The following AHR variants were observed in gnomAD, a reference collection of about 807,000 sequenced individuals.
AHR encodes aryl hydrocarbon receptor, also known as AH-receptor.
In AHR, 40 loss-of-function variants were observed where a neutral mutation model predicts 86.8. That is an observed-to-expected ratio of 0.46 (90% CI 0.36 to 0.60). AHR has a LOEUF of 0.60. Ranked by LOEUF, AHR falls within the 20% of genes least tolerant of loss-of-function variation. The probability of loss-of-function intolerance (pLI) is 0.00; values close to 1 mark genes in which losing one functional copy is unlikely to be tolerated. For missense variants in AHR, 1,001 were observed against 1,011.6 expected, an observed-to-expected ratio of 0.99 and a Z score of 0.14; for synonymous variants, 398 against 354.9, an observed-to-expected ratio of 1.12 and a Z score of -1.37.
rs1364462820 is a variant in AHR at position 17,344,235 on chromosome 7, C to G, written c.*1171C>G. The G allele has an allele frequency of 6.6e-6, 1 of 152,602 alleles. No homozygotes were observed. The highest frequency in any genetic ancestry group is 2.1e-4 in the South Asian group (1 of 4,810). 9.5% of individuals were successfully genotyped at this position (152,602 alleles called of 1,614,324 possible). A position where few individuals can be genotyped will look rare whatever the true frequency, so the allele number is the denominator to read the frequency against. On this transcript the variant is annotated 3_prime_UTR_variant, in exon 11 of 11. Coordinates refer to ENST00000242057, the MANE Select transcript of AHR (RefSeq NM_001621.5). Reference sequence around the variant, plus strand: ...AGAACAGTGGAAACTATGTGTTTTTCTCATATTTGAGGAGTGTTAAGATTG... The same window carrying G: ...AGAACAGTGGAAACTATGTGTTTTTGTCATATTTGAGGAGTGTTAAGATTG...
At chr7:17,323,179 G>A (rs1782192334) in intron 3 of AHR, among the ~76,000 whole-genome samples, 1 of 152,060 alleles carries the variant, frequency 6.6e-6, no homozygotes, top group South Asian at 2.1e-4. Flanking sequence ...CAAACAGCAA[G>A]AACTCCTAGA....
intron 5 of AHR, among the ~76,000 whole-genome samples, chr7:17,330,376 G>A (rs1293714162): frequency 6.6e-6 from 1 of 151,888 alleles, no homozygotes; most frequent in African/African-American, 2.4e-5. Flanking sequence ...GTTGATACCT[G>A]AGTGCATGTA....
chr7:17,312,678 TTGTC>T (rs1226827970), intron 2 of AHR, among the ~76,000 whole-genome samples: 2 of 152,178 alleles, frequency 1.3e-5, no homozygotes, highest in Non-Finnish European at 2.9e-5. Context: ...ATTAATGAGT[TTGTC>T]TGTTTTTTAT....
At chr7:17,323,845 A>G (rs1225536536) in intron 3 of AHR, among the ~76,000 whole-genome samples, 1 of 152,230 alleles carries the variant, frequency 6.6e-6, no homozygotes, top group Non-Finnish European at 1.5e-5. Flanking sequence ...CCAAACATAA[A>G]GACTCCTTAT....
At chr7:17,315,271 G>C (rs939387513) in intron 2 of AHR, among the ~76,000 whole-genome samples, 3 of 151,902 alleles carry the variant, frequency 2.0e-5, no homozygotes, top group African/African-American at 7.2e-5. Flanking sequence ...CCAATTTACA[G>C]TATAAGATTT....
chr7:17,298,725 C>T lies in AHR; in HGVS notation c.-540C>T, dbSNP rs1781916093. 2.5e-6 allele frequency: 1 copy of T among 397,276 alleles called. No individual in the cohort carries two copies. 24.6% of individuals were successfully genotyped at this position (397,276 alleles called of 1,614,324 possible). A position where few individuals can be genotyped will look rare whatever the true frequency, so the allele number is the denominator to read the frequency against. On this transcript the variant is annotated 5_prime_UTR_variant, in exon 1 of 11. Transcript: ENST00000242057. ...ACCGCCAGCTCAGAACAGGGGCAGC[C>T]GTGTAGCCGAACGGAAGCTGGGAGC...
intron 1 of AHR, among the ~76,000 whole-genome samples, chr7:17,303,167 A>C (rs1781971445): frequency 6.6e-6 from 1 of 152,102 alleles, no homozygotes; most frequent in South Asian, 2.1e-4. Context: ...ACTTATTCTG[A>C]TACAAGCTTG....
At chr7:17,340,341 G>A in intron 10 of AHR, 113 bp downstream of exon 10, 1 of 1,364,912 alleles carries the variant, frequency 7.3e-7, no homozygotes. Context: ...AGCATTCATG[G>A]AGACAGCATT....
At chr7:17,325,396 A>C (rs1046111663) in intron 3 of AHR, among the ~76,000 whole-genome samples, 1 of 152,242 alleles carries the variant, frequency 6.6e-6, no homozygotes, top group Non-Finnish European at 1.5e-5. Flanking sequence ...GATGTTCTAC[A>C]AAATAATATG....
At chr7:17,304,610 C>A (rs538997479) in intron 1 of AHR, among the ~76,000 whole-genome samples, 47 of 152,096 alleles carry the variant, frequency 3.1e-4, no homozygotes, top group Admixed American at 2.8e-3. Flanking sequence ...ATTTAAGACC[C>A]GATTTAGATG....
At chr7:17,301,313 A>G (rs1781952771) in intron 1 of AHR, among the ~76,000 whole-genome samples, 1 of 152,074 alleles carries the variant, frequency 6.6e-6, no homozygotes. Flanking sequence ...GCAGTTAATC[A>G]AAGTTTATTT....
chr7:17,315,747 A>G (rs1782108672), intron 2 of AHR, among the ~76,000 whole-genome samples: 1 of 151,728 alleles, frequency 6.6e-6, no homozygotes, highest in African/African-American at 2.4e-5. Flanking sequence ...TATAAAACAT[A>G]TTCATATATA....
At position 17,322,432 on chromosome 7, in the gene AHR, G is replaced by C; in HGVS notation, c.254-69G>C. ...TCAAATTGTCTTTGTTTGGTGTTCA[G>C]AAGTTTTCTATTATAGCTCTTTACT... is the stretch of plus-strand genomic sequence containing the variant. On this transcript the variant is annotated intron_variant, in intron 2 of 10. Coordinates refer to ENST00000242057, the MANE Select transcript of AHR (RefSeq NM_001621.5). 3.0e-6 allele frequency: 3 copies of C among 998,266 alleles called. No individual in the cohort carries two copies. The South Asian group carries it at 4.4e-5, about 15-fold the overall frequency. The allele number at this position is 998,266 out of a possible 1,614,324, so 61.8% of individuals were successfully genotyped here. A position where few individuals can be genotyped will look rare whatever the true frequency, so the allele number is the denominator to read the frequency against.
chr7:17,339,881 C>T lies in AHR; in HGVS notation c.2056C>T (p.Pro686Ser). ...CTTACATGGGATCAGTCAAGAGTTC[C>T]CCTACAAATCTGAAATGGATTCTAT... ...TDLHGISQEF[P>S]YKSEMDSMPY... Residue 686 changes from proline (P) to serine (S), a missense_variant, in exon 10 of 11, where the codon CCC becomes TCC. Pro to Ser is a moderately conservative substitution (Grantham distance 74). Coordinates refer to ENST00000242057, the MANE Select transcript of AHR (RefSeq NM_001621.5). 1 of 1,614,100 alleles carries T rather than the reference C, an allele frequency of 6.2e-7. No homozygotes were observed. The highest frequency in any genetic ancestry group is 8.5e-7 in the Non-Finnish European group (1 of 1,179,994).
At chr7:17,305,436 T>C (rs1388761788) in intron 1 of AHR, among the ~76,000 whole-genome samples, 1 of 152,058 alleles carries the variant, frequency 6.6e-6, no homozygotes, top group Non-Finnish European at 1.5e-5. Context: ...TAGGGGGATT[T>C]TATTGAGGAA....
At chr7:17,313,185 A>G (rs1008262996) in intron 2 of AHR, among the ~76,000 whole-genome samples, 1 of 152,138 alleles carries the variant, frequency 6.6e-6, no homozygotes, top group East Asian at 1.9e-4. Context: ...TGGAAAGGCA[A>G]TGCAACATTT....
intron 2 of AHR, among the ~76,000 whole-genome samples, chr7:17,314,828 A>G (rs1292976743): frequency 6.6e-6 from 1 of 152,052 alleles, no homozygotes; most frequent in Non-Finnish European, 1.5e-5. Context: ...CTGTGTGTCA[A>G]GTAATTTACC....
chr7:17,303,118 C>G (rs1224825450), intron 1 of AHR, among the ~76,000 whole-genome samples: 1 of 152,056 alleles, frequency 6.6e-6, no homozygotes, highest in African/African-American at 2.4e-5. Flanking sequence ...TGATATTTTG[C>G]TAGTGGCTTA....
intron 2 of AHR, among the ~76,000 whole-genome samples, chr7:17,315,755 A>G (rs553737820): frequency 2.2e-4 from 34 of 151,806 alleles, no homozygotes; most frequent in African/African-American, 7.5e-4. Flanking sequence ...ATATTCATAT[A>G]TAATATTAAT....
Sources: gnomAD v4.1 joint callset for allele counts (sites outside exome capture counted in the v4.1 genomes callset) on GRCh38, gnomAD v4.1.1 for gene constraint, MANE v1.5 for transcripts, NCBI Gene and HGNC (gene_info 2026-07-23, HGNC 2026-07-21) for gene names.